Variants in DCC observed in about 807,000 individuals in gnomAD.
DCC encodes the protein DCC netrin 1 receptor, also known as netrin receptor DCC.
DCC carries 58 observed loss-of-function variants against 172.5 expected under a neutral mutation model. The observed-to-expected ratio is 0.34, with a 90% confidence interval of 0.27 to 0.42. The LOEUF (loss-of-function observed/expected upper bound fraction) is 0.42. DCC is among the 10% of genes least tolerant of loss of function. The pLI is 1.00. For synonymous variants in DCC, 709 were observed against 644.5 expected (o/e 1.10, Z -1.52); for missense variants, 1,740 against 1,791.0 (o/e 0.97, Z 0.51).
intron 1 of DCC, among the ~76,000 whole-genome samples, chr18:52,631,213 G>A (rs192440481): frequency 2.6e-5 from 4 of 152,186 alleles, no homozygotes; most frequent in African/African-American, 4.8e-5. Flanking sequence ...TTGCTAATGT[G>A]TAGTTGTTAT....
intron 5 of DCC, among the ~76,000 whole-genome samples, chr18:52,988,839 C>G (rs1426322517): frequency 6.6e-6 from 1 of 151,974 alleles, no homozygotes; most frequent in Non-Finnish European, 1.5e-5. Context: ...CTTATACATA[C>G]TAAATATTGC....
At chr18:52,459,536 C>T (rs1026698112) in intron 1 of DCC, among the ~76,000 whole-genome samples, 3 of 151,926 alleles carry the variant, frequency 2.0e-5, no homozygotes, top group African/African-American at 7.3e-5. Context: ...GGCGCTATCT[C>T]GGCTCACTGC....
intron 1 of DCC, among the ~76,000 whole-genome samples, chr18:52,664,632 G>A (rs1184097428): frequency 1.3e-5 from 2 of 151,374 alleles, no homozygotes; most frequent in African/African-American, 4.9e-5. Context: ...CACCATGCCC[G>A]GCTGATTTTT....
At chr18:52,528,098 A>G (rs1001890208) in intron 1 of DCC, among the ~76,000 whole-genome samples, 2 of 152,318 alleles carry the variant, frequency 1.3e-5, no homozygotes, top group East Asian at 3.9e-4. Flanking sequence ...GAGGGCACAC[A>G]TGGTTTAAAA....
intron 5 of DCC, among the ~76,000 whole-genome samples, chr18:52,945,105 C>T (rs1254105988): frequency 6.6e-6 from 1 of 152,154 alleles, no homozygotes; most frequent in African/African-American, 2.4e-5. Flanking sequence ...ACCAGTCACA[C>T]ATTCCTGCTA....
chr18:52,942,079 G>A lies in DCC; in HGVS notation c.985+16709G>A, dbSNP rs558534863. ...ATTACAAGTGTGAGCCACTGCGCCT[G>A]GCCCATTTTCTGATTTTTAAAAGTA... On this transcript the variant is annotated intron_variant, in intron 5 of 28. Transcript: ENST00000442544. Among the ~76,000 whole-genome samples the A allele has an allele frequency of 1.2e-4, 19 of 152,182 alleles. No homozygotes were observed. In the East Asian group the frequency reaches 3.7e-3, roughly 29 times the overall value.
chr18:53,131,760 G>A (rs574131078), intron 7 of DCC, among the ~76,000 whole-genome samples: 16 of 152,148 alleles, frequency 1.1e-4, no homozygotes, highest in African/African-American at 3.6e-4. Flanking sequence ...CCAACCAAGT[G>A]ATACAGACAG....
chr18:53,406,589 A>T (rs1909664560), intron 19 of DCC, among the ~76,000 whole-genome samples: 1 of 151,840 alleles, frequency 6.6e-6, no homozygotes, highest in Admixed American at 6.6e-5. Flanking sequence ...CTGTAATCCC[A>T]GCTACTGGGG....
chr18:52,704,416 CTGTAAT>C (rs1270350829), intron 1 of DCC, among the ~76,000 whole-genome samples: 13 of 152,230 alleles, frequency 8.5e-5, no homozygotes, highest in Admixed American at 3.9e-4. Flanking sequence ...AAAGCAATCA[CTGTAAT>C]TTTTGCACAC....
chr18:53,336,924 A>G (rs1599036879), intron 14 of DCC, among the ~76,000 whole-genome samples: 1 of 152,234 alleles, frequency 6.6e-6, no homozygotes, highest in East Asian at 1.9e-4. Context: ...AAGAGGCAAC[A>G]TATCTTCTTA....
At chr18:53,521,969 T>A (rs1272145731) in intron 27 of DCC, among the ~76,000 whole-genome samples, 2 of 152,086 alleles carry the variant, frequency 1.3e-5, no homozygotes, top group Admixed American at 1.3e-4. Flanking sequence ...CTTTTGTGAC[T>A]ATTATAAATT....
intron 7 of DCC, among the ~76,000 whole-genome samples, chr18:53,066,743 C>T (rs2042576253): frequency 6.6e-6 from 1 of 151,808 alleles, no homozygotes; most frequent in Non-Finnish European, 1.5e-5. Flanking sequence ...TTCTCCACTG[C>T]TATAGAGAAA....
At chr18:52,881,433 G>A (rs1481969999) in intron 2 of DCC, among the ~76,000 whole-genome samples, 2 of 152,078 alleles carry the variant, frequency 1.3e-5, no homozygotes, top group Non-Finnish European at 2.9e-5. Context: ...CACAGACCAA[G>A]GTTCTAGAGA....
chr18:52,800,217 C>T (rs2037958685), intron 2 of DCC, among the ~76,000 whole-genome samples: 1 of 152,138 alleles, frequency 6.6e-6, no homozygotes, highest in South Asian at 2.1e-4. Context: ...TTCTGAAAGT[C>T]AAAGTGTTCC....
At chr18:53,051,934 T>TA (rs2042339409) in intron 5 of DCC, among the ~76,000 whole-genome samples, 1 of 152,062 alleles carries the variant, frequency 6.6e-6, no homozygotes, top group Non-Finnish European at 1.5e-5. Flanking sequence ...TTCTGTCCCA[T>TA]TTGTGGGCTT....
At position 52,862,311 on chromosome 18, in the gene DCC, T is replaced by C. The variant is rs7228881; in HGVS notation, c.413-43733T>C. ...TCAAATATCAAAGGTTTAAAACACTTCATATCAAAATAAGGAAAGTTAAAA... is the reference window on the plus strand; with the variant it reads ...TCAAATATCAAAGGTTTAAAACACTCCATATCAAAATAAGGAAAGTTAAAA... On this transcript the variant is annotated intron_variant, in intron 2 of 28. Transcript: ENST00000442544. Among the ~76,000 whole-genome samples, 224 of 152,158 alleles carry C rather than the reference T, an allele frequency of 1.5e-3. 1 individual carries two copies. Among genetic ancestry groups the C allele is most frequent in the African/African-American group, 5.1e-3 (210 of 41,476 alleles).
At chr18:52,485,075 C>T (rs1476983383) in intron 1 of DCC, among the ~76,000 whole-genome samples, 1 of 152,138 alleles carries the variant, frequency 6.6e-6, no homozygotes, top group Non-Finnish European at 1.5e-5. Context: ...GAAGGACCTA[C>T]ATGATGACTG....
Position 52,485,630 on chromosome 18 carries a change from A to G in DCC, c.91+144752A>G, listed in dbSNP as rs2030181367. Among the ~76,000 whole-genome samples the G allele has an allele frequency of 1.3e-5, 2 of 152,112 alleles. 1 individual carries two copies. The highest frequency in any genetic ancestry group is 4.1e-4 in the South Asian group (2 of 4,828). On this transcript the variant is annotated intron_variant, in intron 1 of 28. Coordinates refer to ENST00000442544, the MANE Select transcript of DCC (RefSeq NM_005215.4). ...CAAATGGCAACTCTTCTTGAGTACC[A>G]GGAGACCTGTTGTACACGTATTATG...
At chr18:53,485,624 A>G (rs559355147) in intron 25 of DCC, among the ~76,000 whole-genome samples, 36 of 152,272 alleles carry the variant, frequency 2.4e-4, no homozygotes, top group African/African-American at 8.7e-4. Context: ...ATGCATTTTA[A>G]GAAACGTTAT....
Sources: gnomAD v4.1 joint callset for allele counts (sites outside exome capture counted in the v4.1 genomes callset) on GRCh38, gnomAD v4.1.1 for gene constraint, MANE v1.5 for transcripts, NCBI Gene and HGNC (gene_info 2026-07-23, HGNC 2026-07-21) for gene names.